The following CAST variants were observed in gnomAD, a reference collection of about 807,000 sequenced individuals.
CAST encodes calpastatin, also known as MIR583 host.
CAST carries 76 observed loss-of-function variants against 119.6 expected under a neutral mutation model. The observed-to-expected ratio is 0.64, with a 90% confidence interval of 0.53 to 0.77. CAST has a LOEUF of 0.77. Among genes scored for constraint, CAST ranks in the 30% least tolerant of loss-of-function variants. The probability of loss-of-function intolerance (pLI) is 0.00; values close to 1 mark genes in which losing one functional copy is unlikely to be tolerated. For missense variants in CAST, 953 were observed against 946.5 expected, an observed-to-expected ratio of 1.01 and a Z score of -0.09; for synonymous variants, 319 against 331.6, an observed-to-expected ratio of 0.96 and a Z score of 0.41.
At chr5:96,502,122 C>T in the CAST span, among the ~76,000 whole-genome samples, 1 of 152,078 alleles carries the variant, frequency 6.6e-6, no homozygotes, top group Non-Finnish European at 1.5e-5. Flanking sequence ...ATAGTTCCAC[C>T]CTGTAGATTT....
At chr5:95,974,327 G>A in the CAST span, among the ~76,000 whole-genome samples, 1 of 152,138 alleles carries the variant, frequency 6.6e-6, no homozygotes, top group African/African-American at 2.4e-5. Context: ...CTTTTTGAAA[G>A]CAGTTTGATT....
the CAST span, among the ~76,000 whole-genome samples, chr5:96,441,494 G>C: frequency 8.9e-4 from 135 of 152,028 alleles, no homozygotes; most frequent in Non-Finnish European, 1.9e-3. Flanking sequence ...CATCTGCCTT[G>C]AGAACCTGAT....
the CAST span, among the ~76,000 whole-genome samples, chr5:96,480,516 A>C: frequency 1.3e-5 from 2 of 152,172 alleles, no homozygotes; most frequent in African/African-American, 4.8e-5. Context: ...AATAGGCTAA[A>C]CTGGAGATAG....
At chr5:96,032,558 C>T in the CAST span, among the ~76,000 whole-genome samples, 1 of 152,116 alleles carries the variant, frequency 6.6e-6, no homozygotes, top group South Asian at 2.1e-4. Context: ...CATACAGGAG[C>T]TAAAAAATGC....
the CAST span, among the ~76,000 whole-genome samples, chr5:96,379,872 T>A: frequency 6.6e-6 from 1 of 152,144 alleles, no homozygotes; most frequent in African/African-American, 2.4e-5. Context: ...GTTAGCCCTA[T>A]CCATGGTGGC....
At chr5:96,445,327 C>A in the CAST span, among the ~76,000 whole-genome samples, 1 of 152,146 alleles carries the variant, frequency 6.6e-6, no homozygotes, top group African/African-American at 2.4e-5. Context: ...AGCTACTACG[C>A]AGGCTGAGGT....
chr5:96,102,893 G>A, the CAST span, among the ~76,000 whole-genome samples: 1 of 152,062 alleles, frequency 6.6e-6, no homozygotes, highest in Non-Finnish European at 1.5e-5. Context: ...TATTATGGGA[G>A]GCTTAATGAG....
intron 1 of CAST, among the ~76,000 whole-genome samples, chr5:96,561,443 T>TTCGC (rs1319941451): frequency 6.6e-6 from 1 of 151,742 alleles, no homozygotes; most frequent in African/African-American, 2.4e-5. Flanking sequence ...GAAACCTTCA[T>TTCGC]TCGCAGCAAA....
chr5:96,352,584 C>A, the CAST span, among the ~76,000 whole-genome samples: 2 of 152,150 alleles, frequency 1.3e-5, no homozygotes, highest in Admixed American at 1.3e-4. Flanking sequence ...ACAGGGGTAA[C>A]ACCATTCCTT....
At chr5:96,397,246 G>A in the CAST span, 2 of 1,104,462 alleles carry the variant, frequency 1.8e-6, no homozygotes, top group South Asian at 1.3e-5. Context: ...AATTCTTTAG[G>A]GCCCTAATTA....
chr5:96,557,908 T>G (rs935289559), intron 1 of CAST, among the ~76,000 whole-genome samples: 10 of 152,146 alleles, frequency 6.6e-5, no homozygotes, highest in Admixed American at 2.0e-4. Context: ...ATACATTCTT[T>G]TCAGCACCAC....
the CAST span, chr5:96,393,454 C>T: frequency 1.3e-6 from 2 of 1,539,718 alleles, no homozygotes; most frequent in African/African-American, 1.4e-5. Context: ...GCAACCCTAC[C>T]ACAGGAACGC....
chr5:96,166,768 C>G, the CAST span, among the ~76,000 whole-genome samples: 13 of 152,160 alleles, frequency 8.5e-5, no homozygotes, highest in African/African-American at 3.1e-4. Context: ...TATCCTCACT[C>G]ATGAATTCAG....
intron 1 of CAST, among the ~76,000 whole-genome samples, chr5:96,562,740 G>A (rs555305778): frequency 2.0e-5 from 3 of 152,212 alleles, no homozygotes; most frequent in African/African-American, 4.8e-5. Flanking sequence ...CCAATCTCCA[G>A]GAAGATGGGG....
chr5:96,613,637 C>T (rs888545321), intron 1 of CAST, among the ~76,000 whole-genome samples: 9 of 150,666 alleles, frequency 6.0e-5, no homozygotes, highest in African/African-American at 1.7e-4. Context: ...AATCCATACT[C>T]TGTCTTCTGA....
chr5:96,137,075 A>G, the CAST span, among the ~76,000 whole-genome samples: 1 of 152,110 alleles, frequency 6.6e-6, no homozygotes, highest in South Asian at 2.1e-4. Context: ...TCATACCTTA[A>G]GGTTTACCCT....
At chr5:96,043,696 G>A in the CAST span, among the ~76,000 whole-genome samples, 1 of 152,118 alleles carries the variant, frequency 6.6e-6, no homozygotes, top group Non-Finnish European at 1.5e-5. Context: ...TTTTTCAGAA[G>A]CAACTTCCCC....
chr5:96,765,770 C>T (rs907855316), intron 26 of CAST, among the ~76,000 whole-genome samples: 3 of 152,256 alleles, frequency 2.0e-5, no homozygotes, highest in African/African-American at 7.2e-5. Flanking sequence ...AATCTCCTAA[C>T]ATGGTTTCTG....
the CAST span, among the ~76,000 whole-genome samples, chr5:96,346,172 G>A: frequency 6.6e-6 from 1 of 152,152 alleles, no homozygotes; most frequent in Non-Finnish European, 1.5e-5. Flanking sequence ...ATGGTTGATT[G>A]GCTATGGTAG....
Sources: allele counts gnomAD v4.1 joint callset (sites outside exome capture counted in the v4.1 genomes callset), GRCh38; gene constraint gnomAD v4.1.1; transcripts MANE v1.5; gene names NCBI Gene and HGNC (gene_info 2026-07-23, HGNC 2026-07-21).